The following NLGN4Y variants were observed in gnomAD, a reference collection of about 807,000 sequenced individuals.
NLGN4Y encodes the protein neuroligin 4 Y-linked.
A neutral mutation model predicts 8.4 loss-of-function variants in NLGN4Y; 4 were observed. That is an observed-to-expected ratio of 0.48 (90% CI 0.23 to 1.09). The LOEUF (loss-of-function observed/expected upper bound fraction) is 1.09. Among genes scored for constraint, NLGN4Y ranks in the 50% least tolerant of loss-of-function variants. The pLI is 0.19. For synonymous variants in NLGN4Y, 35 were observed against 75.6 expected, an observed-to-expected ratio of 0.46 and a Z score of 2.78; for missense variants, 90 against 192.3, an observed-to-expected ratio of 0.47 and a Z score of 3.15.
intron 1 of NLGN4Y, among the ~76,000 whole-genome samples, chrY:14,532,744 C>T (rs2150460943): frequency 3.1e-5 from 1 of 32,620 alleles, no homozygotes; most frequent in Admixed American, 2.8e-4. Flanking sequence ...GTATACATTA[C>T]ATTTTTTTTC....
chrY:14,586,979 C>A, intron 1 of NLGN4Y, among the ~76,000 whole-genome samples: 1 of 33,708 alleles, frequency 3.0e-5, no homozygotes, highest in Non-Finnish European at 7.3e-5. Flanking sequence ...GATCAACCAT[C>A]TGCAGTCCCA....
intron 1 of NLGN4Y, among the ~76,000 whole-genome samples, chrY:14,584,734 T>C: frequency 9.1e-5 from 3 of 32,952 alleles, no homozygotes; most frequent in Non-Finnish European, 2.2e-4. Flanking sequence ...AAAAATGATA[T>C]GTTTAAGTCT....
rs1049127194 is a variant in NLGN4Y, at chrY:14,719,455, C to T, written c.473-4C>T. The T allele has an allele frequency of 3.0e-5, 10 of 328,666 alleles. No homozygotes were observed. Among genetic ancestry groups the T allele is most frequent in the Non-Finnish European group, 4.3e-5 (10 of 233,794 alleles). 82.0% of individuals were successfully genotyped at this position (328,666 alleles called of 400,897 possible). ...CTTTATTTTCCTTTTCAATATCACCCCAGGAACCAACATAAAGAGAAATGC... is the reference window on the plus strand; with the variant it reads ...CTTTATTTTCCTTTTCAATATCACCTCAGGAACCAACATAAAGAGAAATGC... On this transcript the variant is annotated splice_polypyrimidine_tract_variant and splice_region_variant and intron_variant, in intron 2 of 6. Transcript: ENST00000684976.
At chrY:14,731,546 G>A in intron 4 of NLGN4Y, among the ~76,000 whole-genome samples, 1 of 33,022 alleles carries the variant, frequency 3.0e-5, no homozygotes, top group East Asian at 8.1e-4. Flanking sequence ...CAAAGAGAAG[G>A]GAAACATACA....
At chrY:14,684,105 C>A (rs764322500) in intron 2 of NLGN4Y, among the ~76,000 whole-genome samples, 2 of 33,923 alleles carry the variant, frequency 5.9e-5, no homozygotes, top group Admixed American at 5.4e-4. Context: ...GTAATTAGAG[C>A]TATACAGAGA....
At chrY:14,666,147 T>C (rs2080690635) in intron 2 of NLGN4Y, among the ~76,000 whole-genome samples, 1 of 33,579 alleles carries the variant, frequency 3.0e-5, no homozygotes, top group Admixed American at 2.7e-4. Context: ...TCATAGCTCA[T>C]TGCAGCCTCC....
chrY:14,550,875 A>G, intron 1 of NLGN4Y, among the ~76,000 whole-genome samples: 1 of 33,174 alleles, frequency 3.0e-5, no homozygotes, highest in African/African-American at 1.2e-4. Flanking sequence ...CTCGAGGAGT[A>G]TCTTTGTGGT....
chrY:14,652,116 C>T (rs2080632121), intron 2 of NLGN4Y, among the ~76,000 whole-genome samples: 1 of 32,911 alleles, frequency 3.0e-5, no homozygotes, highest in African/African-American at 1.2e-4. Context: ...AAAATAGCCA[C>T]TATTCTACTA....
intron 4 of NLGN4Y, among the ~76,000 whole-genome samples, chrY:14,778,534 T>C (rs2081135659): frequency 2.9e-5 from 1 of 33,966 alleles, no homozygotes; most frequent in African/African-American, 1.1e-4. Context: ...ATTATGCATA[T>C]TGCAGTTTGA....
Position 14,746,014 on chromosome Y carries a change from C to G in NLGN4Y, c.685+22745C>G. Reference sequence around the variant, plus strand: ...TTTTCTATCCTTGGACAGCCACAGACAGGACAACTAGTCAATAAGAAATGA... The same window carrying G: ...TTTTCTATCCTTGGACAGCCACAGAGAGGACAACTAGTCAATAAGAAATGA... On this transcript the variant is annotated intron_variant, in intron 4 of 6. Coordinates refer to ENST00000684976, the MANE Select transcript of NLGN4Y (RefSeq NM_001365588.1). Among the ~76,000 whole-genome samples the G allele has an allele frequency of 1.9e-4, 6 of 32,412 alleles. No individual in the cohort carries two copies. In the South Asian group the frequency reaches 4.3e-3, roughly 23 times the overall value. 87.0% of individuals were successfully genotyped at this position (32,412 alleles called of 37,273 possible). A position where few individuals can be genotyped will look rare whatever the true frequency, so the allele number is the denominator to read the frequency against.
chrY:14,679,861 C>A (rs2080762383), intron 2 of NLGN4Y, among the ~76,000 whole-genome samples: 2 of 33,204 alleles, frequency 6.0e-5, no homozygotes, highest in African/African-American at 1.2e-4. Flanking sequence ...CAAGAAACCC[C>A]CAAACTATCT....
intron 4 of NLGN4Y, among the ~76,000 whole-genome samples, chrY:14,732,611 T>A (rs2080976536): frequency 2.9e-5 from 1 of 34,219 alleles, no homozygotes; most frequent in African/African-American, 1.1e-4. Flanking sequence ...TTTAATTTGT[T>A]TTATGTTTTA....
chrY:14,678,598 G>A, intron 2 of NLGN4Y, among the ~76,000 whole-genome samples: 3 of 33,127 alleles, frequency 9.1e-5, no homozygotes, highest in Admixed American at 8.5e-4. Context: ...AGTCATCTCA[G>A]AGTCTGACTG....
chrY:14,555,541 C>G (rs2080208151), intron 1 of NLGN4Y, among the ~76,000 whole-genome samples: 1 of 32,935 alleles, frequency 3.0e-5, no homozygotes, highest in Admixed American at 2.8e-4. Flanking sequence ...TGGAGTGACA[C>G]AACCATTCAG....
chrY:14,818,833 T>C (rs926289384), intron 4 of NLGN4Y, among the ~76,000 whole-genome samples: 3 of 33,268 alleles, frequency 9.0e-5, no homozygotes, highest in Admixed American at 2.8e-4. Context: ...TGATCTCCCT[T>C]TTCCTTTTGG....
chrY:14,565,085 A>C (rs756573063), intron 1 of NLGN4Y, among the ~76,000 whole-genome samples: 1 of 32,981 alleles, frequency 3.0e-5, no homozygotes, highest in African/African-American at 1.2e-4. Flanking sequence ...AAAAGGCTGA[A>C]AATTCCAAAA....
chrY:14,789,019 G>C, intron 4 of NLGN4Y, among the ~76,000 whole-genome samples: 1 of 30,455 alleles, frequency 3.3e-5, no homozygotes, highest in African/African-American at 1.3e-4. Context: ...TCCCAGACTG[G>C]AGTGAAGTGA....
chrY:14,729,959 A>G, intron 4 of NLGN4Y, among the ~76,000 whole-genome samples: 1 of 34,024 alleles, frequency 2.9e-5, no homozygotes. Context: ...GCTCACAGCT[A>G]CAAGCTATAT....
intron 6 of NLGN4Y, among the ~76,000 whole-genome samples, chrY:14,833,324 A>T (rs906727435): frequency 6.0e-5 from 2 of 33,495 alleles, no homozygotes; most frequent in Non-Finnish European, 1.5e-4. Flanking sequence ...GAGGCAACAT[A>T]CATCCTCATC....
Sources: allele counts gnomAD v4.1 joint callset (sites outside exome capture counted in the v4.1 genomes callset), GRCh38; gene constraint gnomAD v4.1.1; transcripts MANE v1.5; gene names NCBI Gene and HGNC (gene_info 2026-07-23, HGNC 2026-07-21).